Variants in PAPPA2 observed in about 807,000 individuals in gnomAD.
The protein encoded by PAPPA2 is pappalysin 2, also known as pappalysin-2.
In PAPPA2, 86 loss-of-function variants were observed where a neutral mutation model predicts 176.4. The observed-to-expected ratio is 0.49, with a 90% confidence interval of 0.41 to 0.58. The LOEUF (loss-of-function observed/expected upper bound fraction) is 0.58, where lower values mean the gene tolerates loss of function less well. PAPPA2 is among the 20% of genes least tolerant of loss of function. PAPPA2 has a pLI of 0.00. For missense variants in PAPPA2, 2,073 were observed against 2,256.9 expected, an observed-to-expected ratio of 0.92 and a Z score of 1.65; for synonymous variants, 809 against 852.2, an observed-to-expected ratio of 0.95 and a Z score of 0.88.
At chr1:176,574,748 A>G (rs1652551702) in intron 2 of PAPPA2, among the ~76,000 whole-genome samples, 1 of 152,216 alleles carries the variant, frequency 6.6e-6, no homozygotes, top group African/African-American at 2.4e-5. Context: ...TTGCATAATG[A>G]TGTGTTGGTT....
At chr1:176,778,199 AT>A (rs979151363) in intron 17 of PAPPA2, among the ~76,000 whole-genome samples, 2 of 152,080 alleles carry the variant, frequency 1.3e-5, no homozygotes, top group Non-Finnish European at 2.9e-5. Flanking sequence ...TTAAAAAAAA[AT>A]GTACTATTCT....
At chr1:176,548,864 C>A (rs1347532498) in intron 1 of PAPPA2, among the ~76,000 whole-genome samples, 2 of 151,700 alleles carry the variant, frequency 1.3e-5, no homozygotes, top group Non-Finnish European at 2.9e-5. Flanking sequence ...GCATTGGGCC[C>A]TCACTCAAGA....
At chr1:176,638,913 G>GGT (rs1157410941) in intron 3 of PAPPA2, among the ~76,000 whole-genome samples, 7 of 148,868 alleles carry the variant, frequency 4.7e-5, no homozygotes, top group African/African-American at 9.9e-5. Context: ...AAGAAACTGT[G>GGT]GTGTGTGTGT....
intron 2 of PAPPA2, among the ~76,000 whole-genome samples, chr1:176,583,489 T>TA (rs1187447089): frequency 6.6e-6 from 1 of 152,180 alleles, no homozygotes; most frequent in African/African-American, 2.4e-5. Context: ...TATTCAGGAG[T>TA]ATGTTGTTTA....
intron 1 of PAPPA2, among the ~76,000 whole-genome samples, chr1:176,485,714 T>C (rs746358644): frequency 7.9e-5 from 12 of 152,162 alleles, no homozygotes; most frequent in African/African-American, 1.9e-4. Flanking sequence ...TGTCATATAG[T>C]AGGCGGGGGG....
At chr1:176,525,265 C>A (rs1572999319) in intron 1 of PAPPA2, among the ~76,000 whole-genome samples, 3 of 152,198 alleles carry the variant, frequency 2.0e-5, no homozygotes, top group Non-Finnish European at 4.4e-5. Flanking sequence ...GAGCAAGACT[C>A]TTCTGGTTTC....
chr1:176,677,759 C>T (rs1237113597), intron 4 of PAPPA2, among the ~76,000 whole-genome samples: 1 of 152,046 alleles, frequency 6.6e-6, no homozygotes, highest in South Asian at 2.1e-4. Context: ...TACTCATTGT[C>T]TTGGTACCAT....
intron 1 of PAPPA2, among the ~76,000 whole-genome samples, chr1:176,490,203 G>A (rs1394150460): frequency 6.6e-6 from 1 of 151,342 alleles, no homozygotes; most frequent in Admixed American, 6.6e-5. Context: ...CTTCCACTGA[G>A]GTCCCAGGAC....
At chr1:176,749,803 T>C (rs1243213761) in intron 14 of PAPPA2, among the ~76,000 whole-genome samples, 1 of 152,236 alleles carries the variant, frequency 6.6e-6, no homozygotes, top group African/African-American at 2.4e-5. Context: ...CATGGCTTGA[T>C]AGCTCATTTC....
intron 1 of PAPPA2, among the ~76,000 whole-genome samples, chr1:176,530,444 A>C (rs1345831399): frequency 1.3e-5 from 2 of 152,260 alleles, no homozygotes; most frequent in Non-Finnish European, 1.5e-5. Context: ...ATTAAAAAGA[A>C]AAAAACAACT....
intron 11 of PAPPA2, 62 bp from the exon 12 acceptor site, chr1:176,711,773 A>G (rs1661156450): frequency 1.3e-6 from 2 of 1,524,022 alleles, no homozygotes; most frequent in African/African-American, 1.4e-5. Flanking sequence ...GGAGAGTTTC[A>G]TTGTCCTTAC....
chr1:176,504,918 G>T (rs1241249279), intron 1 of PAPPA2, among the ~76,000 whole-genome samples: 1 of 152,062 alleles, frequency 6.6e-6, no homozygotes, highest in Non-Finnish European at 1.5e-5. Context: ...TACCCATAAT[G>T]GGTGGGCAGC....
chr1:176,796,442 C>T (rs1057413891), intron 20 of PAPPA2, among the ~76,000 whole-genome samples: 2 of 152,210 alleles, frequency 1.3e-5, no homozygotes, highest in East Asian at 1.9e-4. Context: ...TGTCAAATAA[C>T]TACTCCCATT....
chr1:176,728,575 G>A (rs983856674), intron 12 of PAPPA2, among the ~76,000 whole-genome samples: 2 of 151,852 alleles, frequency 1.3e-5, no homozygotes, highest in African/African-American at 2.4e-5. Flanking sequence ...AATATCATAC[G>A]AATGCTGATT....
At chr1:176,802,307 A>C (rs1028778747) in intron 21 of PAPPA2, among the ~76,000 whole-genome samples, 1 of 152,022 alleles carries the variant, frequency 6.6e-6, no homozygotes, top group Non-Finnish European at 1.5e-5. Context: ...GGAACTGGAC[A>C]GGAGAGGAGA....
chr1:176,752,818 C>A (rs972841999), intron 14 of PAPPA2, among the ~76,000 whole-genome samples: 81 of 152,322 alleles, frequency 5.3e-4, no homozygotes, highest in African/African-American at 1.9e-3. Flanking sequence ...GCTGCCTGGA[C>A]TCCTCAGATC....
intron 12 of PAPPA2, among the ~76,000 whole-genome samples, chr1:176,729,097 C>T (rs1372008032): frequency 1.3e-5 from 2 of 151,816 alleles, no homozygotes; most frequent in Admixed American, 6.6e-5. Context: ...GATACCTTTT[C>T]GTTTTTAAAT....
In PAPPA2 at chr1:176,692,173, C is replaced by A; in HGVS notation, c.2479C>A (p.His827Asn). 1 of 1,614,058 alleles carries A rather than the reference C, an allele frequency of 6.2e-7. No individual in the cohort carries two copies. The highest frequency in any genetic ancestry group is 8.5e-7 in the Non-Finnish European group (1 of 1,179,936). Residue 827 changes from histidine (H) to asparagine (N), a missense_variant, in exon 6 of 23, where the codon CAT becomes AAT. Physicochemically the swap from His to Asn is moderately conservative, Grantham distance 68. This residue lies in a region of PAPPA2 where 1,196 missense variants were observed against 1,330.4 expected (regional missense o/e 0.90). Transcript: ENST00000367662. ...CACTCCTAACCAAGTGGCCCGAATG[C>A]ATTGCTATTTGGACCTAGTCTATCA... is the stretch of plus-strand genomic sequence containing the variant. ...NFTPNQVARM[H>N]CYLDLVYQQW...
chr1:176,529,709 T>C (rs563252406), intron 1 of PAPPA2, among the ~76,000 whole-genome samples: 65 of 152,316 alleles, frequency 4.3e-4, no homozygotes, highest in African/African-American at 1.2e-3. Context: ...AAAAATGATT[T>C]TGTGGCTAGC....
Sources: allele counts gnomAD v4.1 joint callset (sites outside exome capture counted in the v4.1 genomes callset), GRCh38; gene constraint gnomAD v4.1.1; regional missense constraint gnomAD v4.1.1; transcripts MANE v1.5; gene names NCBI Gene and HGNC (gene_info 2026-07-23, HGNC 2026-07-21).